XIAP: variants seen among roughly 807,000 people sequenced by gnomAD.
The protein encoded by XIAP is E3 ubiquitin-protein ligase XIAP.
XIAP carries 3 observed loss-of-function variants against 33.1 expected under a neutral mutation model. The observed-to-expected ratio is 0.09, with a 90% CI of 0.04 to 0.23. The LOEUF is 0.23. Ranked by LOEUF, XIAP falls within the 10% of genes least tolerant of loss-of-function variation. The pLI, the probability that XIAP is intolerant of heterozygous loss-of-function variation, is 1.00. For missense variants in XIAP, 264 were observed against 363.0 expected, an observed-to-expected ratio of 0.73 and a Z score of 2.22; for synonymous variants, 98 against 121.3, an observed-to-expected ratio of 0.81 and a Z score of 1.26.
Position 123,861,643 on chromosome X carries a change from C to G in XIAP, c.-33+1350C>G, listed in dbSNP as rs2053079771. Among the ~76,000 whole-genome samples the G allele has an allele frequency of 3.6e-5, 4 of 111,926 alleles. No individual in the cohort carries two copies. In the South Asian group the frequency reaches 1.5e-3, roughly 41 times the overall value. ...GTACGGTTTGAATTTGTTATAAATT[C>G]GTATTGATTTCATAATTGAAAAGTT... On this transcript the variant is annotated intron_variant, in intron 1 of 6. Transcript: ENST00000371199.
intron 5 of XIAP, among the ~76,000 whole-genome samples, chrX:123,898,350 G>T (rs1322346309): frequency 2.7e-5 from 3 of 111,063 alleles, no homozygotes; most frequent in African/African-American, 9.8e-5. Flanking sequence ...TTGTTTGTTT[G>T]TTTTTGTTTG....
intron 5 of XIAP, among the ~76,000 whole-genome samples, chrX:123,897,605 C>T (rs1394422522): frequency 9.0e-6 from 1 of 110,844 alleles, no homozygotes; most frequent in Non-Finnish European, 1.9e-5. Flanking sequence ...CTCTGTCACC[C>T]AGGCTGGAGT....
intron 1 of XIAP, chrX:123,874,393 A>G (rs1033033231): frequency 8.9e-5 from 10 of 112,040 alleles, no homozygotes; most frequent in Non-Finnish European, 1.7e-4. Flanking sequence ...TGTATTTTTT[A>G]TAATTTGGGT....
rs1247204814 is a variant in XIAP, at chrX:123,913,387, T to G, written c.*6206T>G. The G allele has an allele frequency of 3.1e-6, 1 of 327,588 alleles. No individual in the cohort carries two copies. Among genetic ancestry groups the G allele is most frequent in the Admixed American group, 3.1e-5 (1 of 32,089 alleles). 27.0% of individuals were successfully genotyped at this position (327,588 alleles called of 1,213,427 possible). On this transcript the variant is annotated 3_prime_UTR_variant, in exon 7 of 7. Transcript: ENST00000371199. ...AGAGCGACTGAGGCAGGAGAATTGC[T>G]TGAACCTGGGAGGCGGAGGTTGCAG...
intron 6 of XIAP, among the ~76,000 whole-genome samples, chrX:123,904,087 CTTTG>C (rs1002795203): frequency 6.3e-5 from 7 of 111,617 alleles, no homozygotes; most frequent in African/African-American, 1.6e-4. Context: ...ATTGTTGTTG[CTTTG>C]TTTGTTTGTT....
chrX:123,884,811 G>A (rs2053336642), intron 1 of XIAP, among the ~76,000 whole-genome samples: 1 of 110,962 alleles, frequency 9.0e-6, no homozygotes, highest in Admixed American at 9.7e-5. Flanking sequence ...TTTTATCTGG[G>A]TTAAAATTAC....
intron 5 of XIAP, among the ~76,000 whole-genome samples, chrX:123,899,057 G>T (rs772322778): frequency 7.9e-4 from 69 of 87,674 alleles, no homozygotes; most frequent in Non-Finnish European, 1.2e-3. Flanking sequence ...GGAGGTGGAG[G>T]TTGCAGTGAG....
At chrX:123,867,664 A>AG (rs2053154958) in intron 1 of XIAP, among the ~76,000 whole-genome samples, 1 of 81,231 alleles carries the variant, frequency 1.2e-5, no homozygotes, top group Non-Finnish European at 2.3e-5. Context: ...GAGCCCCCGT[A>AG]CCTGGCCTTT....
intron 1 of XIAP, among the ~76,000 whole-genome samples, chrX:123,883,496 C>CTTTT (rs137863947): frequency 3.1e-5 from 2 of 64,252 alleles, no homozygotes; most frequent in Non-Finnish European, 5.7e-5. Context: ...CTTTTCTTTT[C>CTTTT]TTTTTTTTTT....
intron 1 of XIAP, among the ~76,000 whole-genome samples, chrX:123,866,714 C>G (rs1419996497): frequency 1.9e-5 from 2 of 105,702 alleles, no homozygotes; most frequent in Non-Finnish European, 3.9e-5. Context: ...GAGTCTAGCT[C>G]TGTCACCCAG....
At chrX:123,864,455 GTTTT>G (rs1162636021) in intron 1 of XIAP, among the ~76,000 whole-genome samples, 1 of 49,589 alleles carries the variant, frequency 2.0e-5, no homozygotes, top group African/African-American at 8.4e-5. Context: ...CCTTTCTTCT[GTTTT>G]TTTTTTTTTT....
intron 5 of XIAP, among the ~76,000 whole-genome samples, chrX:123,893,058 G>GA (rs2053421986): frequency 9.2e-6 from 1 of 108,663 alleles, no homozygotes; most frequent in South Asian, 4.1e-4. Flanking sequence ...CTGATCTTGT[G>GA]ATGCGCCCGC....
intron 1 of XIAP, among the ~76,000 whole-genome samples, chrX:123,870,497 A>C (rs2053184383): frequency 8.9e-6 from 1 of 112,400 alleles, no homozygotes; most frequent in African/African-American, 3.2e-5. Context: ...TAAATGTTTG[A>C]ATATAGATAG....
intron 6 of XIAP, among the ~76,000 whole-genome samples, chrX:123,904,024 C>T (rs1398638619): frequency 8.9e-6 from 1 of 111,740 alleles, no homozygotes; most frequent in Non-Finnish European, 1.9e-5. Flanking sequence ...CAACCCCTGG[C>T]AACTACCATT....
intron 5 of XIAP, among the ~76,000 whole-genome samples, chrX:123,894,959 A>AGT (rs59819235): frequency 0.29 from 21,904 of 76,247 alleles, 2,687 homozygotes; most frequent in African/African-American, 0.53. Flanking sequence ...TAAATAAGTA[A>AGT]ATAAATAAAT....
intron 1 of XIAP, among the ~76,000 whole-genome samples, chrX:123,883,496 C>CTTTTT (rs137863947): frequency 1.6e-4 from 10 of 64,332 alleles, no homozygotes; most frequent in Non-Finnish European, 2.3e-4. Flanking sequence ...CTTTTCTTTT[C>CTTTTT]TTTTTTTTTT....
chrX:123,877,238 G>T (rs1399611664), intron 1 of XIAP, among the ~76,000 whole-genome samples: 2 of 110,658 alleles, frequency 1.8e-5, no homozygotes, highest in African/African-American at 6.6e-5. Context: ...ACTACTTTTT[G>T]TATTTTTAGT....
chrX:123,898,591 C>T (rs754418991), intron 5 of XIAP, among the ~76,000 whole-genome samples: 125 of 109,103 alleles, frequency 1.1e-3, no homozygotes, highest in African/African-American at 4.1e-3. Flanking sequence ...TAGGCTCAAG[C>T]GATCTGCCCG....
chrX:123,900,453 T>G lies in XIAP; in HGVS notation c.1100-40T>G, dbSNP rs370548556. On this transcript the variant is annotated intron_variant, in intron 5 of 6. Transcript: ENST00000371199. ...AGTTGTGATAATGAAAATAATTGTT[T>G]AAATTCTATGTTCTTTTTCCTCACC... 1,502 of 1,106,769 alleles carry G rather than the reference T, an allele frequency of 1.4e-3. 9 individuals carry two copies. The highest frequency in any genetic ancestry group is 0.011 in the South Asian group (599 of 52,799). 91.2% of individuals were successfully genotyped at this position (1,106,769 alleles called of 1,213,427 possible).
Sources: allele counts gnomAD v4.1 joint callset (sites outside exome capture counted in the v4.1 genomes callset), GRCh38; gene constraint gnomAD v4.1.1; transcripts MANE v1.5; gene names NCBI Gene and HGNC (gene_info 2026-07-23, HGNC 2026-07-21).